The following CPA6 variants were observed in gnomAD, a reference collection of about 807,000 sequenced individuals.
CPA6 encodes carboxypeptidase A6.
A neutral mutation model predicts 63.3 loss-of-function variants in CPA6; 58 were observed. The observed-to-expected ratio is 0.92, with a 90% CI of 0.74 to 1.14. The LOEUF (loss-of-function observed/expected upper bound fraction) is 1.14. CPA6 is among the 50% of genes most tolerant of loss of function. CPA6 has a pLI of 0.00. For synonymous variants in CPA6, 185 were observed against 179.0 expected (o/e 1.03, Z -0.27); for missense variants, 565 against 526.6 (o/e 1.07, Z -0.71).
At chr8:67,572,104 T>C (rs1375708692) in intron 2 of CPA6, among the ~76,000 whole-genome samples, 2 of 152,140 alleles carry the variant, frequency 1.3e-5, no homozygotes, top group African/African-American at 2.4e-5. Context: ...CCTAAACATA[T>C]ACAACCTGCT....
intron 8 of CPA6, among the ~76,000 whole-genome samples, chr8:67,458,243 T>C (rs900074803): frequency 2.0e-5 from 3 of 152,144 alleles, no homozygotes; most frequent in Admixed American, 2.0e-4. Context: ...GTTGCCCAGG[T>C]TGGAGTGCAG....
intron 2 of CPA6, among the ~76,000 whole-genome samples, chr8:67,600,066 CTTTT>C (rs200678346): frequency 0.11 from 15,401 of 145,054 alleles, 1,266 homozygotes; most frequent in Admixed American, 0.26. Context: ...GGACACATTT[CTTTT>C]TTTTTTTAAT....
At chr8:67,739,857 A>G (rs1817880428) in intron 1 of CPA6, among the ~76,000 whole-genome samples, 1 of 152,218 alleles carries the variant, frequency 6.6e-6, no homozygotes, top group Non-Finnish European at 1.5e-5. Flanking sequence ...CAATATGAGA[A>G]AGGACTAGAG....
intron 8 of CPA6, among the ~76,000 whole-genome samples, chr8:67,443,283 C>G (rs1262138790): frequency 6.6e-6 from 1 of 152,168 alleles, no homozygotes; most frequent in East Asian, 1.9e-4. Flanking sequence ...TGGTCTCCAA[C>G]TCCTGACATC....
At chr8:67,542,503 T>G (rs950678870) in intron 2 of CPA6, among the ~76,000 whole-genome samples, 1 of 152,196 alleles carries the variant, frequency 6.6e-6, no homozygotes, top group Non-Finnish European at 1.5e-5. Context: ...CGATTCCTAA[T>G]TTGTCGTGAG....
intron 1 of CPA6, among the ~76,000 whole-genome samples, chr8:67,699,344 A>T (rs1308192299): frequency 6.6e-6 from 1 of 151,854 alleles, no homozygotes; most frequent in Non-Finnish European, 1.5e-5. Context: ...TGAACCCGGG[A>T]GGTGGAGGTT....
chr8:67,497,137 AT>A (rs1244802464), intron 6 of CPA6, among the ~76,000 whole-genome samples: 2 of 152,210 alleles, frequency 1.3e-5, no homozygotes, highest in Non-Finnish European at 2.9e-5. Context: ...AAAATTCACC[AT>A]TTTACAGTGT....
intron 6 of CPA6, among the ~76,000 whole-genome samples, chr8:67,503,393 T>C (rs1258072264): frequency 2.0e-5 from 3 of 151,930 alleles, no homozygotes; most frequent in Non-Finnish European, 4.4e-5. Context: ...ACCTCCTGAG[T>C]TCAACAGGTC....
chr8:67,729,784 T>A (rs1422119099), intron 1 of CPA6, among the ~76,000 whole-genome samples: 1 of 152,034 alleles, frequency 6.6e-6, no homozygotes, highest in African/African-American at 2.4e-5. Context: ...TATAGGTATA[T>A]AAAATATAGG....
chr8:67,595,552 G>A (rs553768105), intron 2 of CPA6, among the ~76,000 whole-genome samples: 29 of 152,344 alleles, frequency 1.9e-4, no homozygotes, highest in East Asian at 3.9e-4. Flanking sequence ...CGAGCTTCCC[G>A]GCTGCTTTGT....
intron 1 of CPA6, among the ~76,000 whole-genome samples, chr8:67,630,792 G>T (rs923728049): frequency 6.6e-6 from 1 of 152,210 alleles, no homozygotes; most frequent in African/African-American, 2.4e-5. Flanking sequence ...CCGGGTGGCC[G>T]CAGGCTCCGC....
chr8:67,521,362 T>G (rs2089045), intron 2 of CPA6, among the ~76,000 whole-genome samples: 91,228 of 152,222 alleles, frequency 0.6, 29,950 homozygotes, highest in African/African-American at 0.89. Context: ...CATTGGCTAT[T>G]TGACTTTGGG....
chr8:67,442,810 C>T (rs79691369), intron 8 of CPA6, among the ~76,000 whole-genome samples: 271 of 152,304 alleles, frequency 1.8e-3, no homozygotes, highest in East Asian at 7.9e-3. Flanking sequence ...TCACTGCATT[C>T]TCATCAAGCC....
intron 1 of CPA6, among the ~76,000 whole-genome samples, chr8:67,741,918 C>T (rs1264847879): frequency 1.3e-5 from 2 of 152,174 alleles, no homozygotes; most frequent in African/African-American, 4.8e-5. Flanking sequence ...TTCCACAAAA[C>T]CAGTCCCTGT....
At chr8:67,617,411 C>T (rs552068921) in intron 2 of CPA6, among the ~76,000 whole-genome samples, 1 of 152,254 alleles carries the variant, frequency 6.6e-6, no homozygotes, top group South Asian at 2.1e-4. Flanking sequence ...AGCTTTTTCT[C>T]TCTTTCAAAA....
chr8:67,544,955 G>A (rs1382496033), intron 2 of CPA6, among the ~76,000 whole-genome samples: 2 of 151,972 alleles, frequency 1.3e-5, no homozygotes, highest in African/African-American at 4.8e-5. Context: ...TCAAAGAGTA[G>A]GCCAAATTAT....
chr8:67,589,179 G>A (rs755906282), intron 2 of CPA6, among the ~76,000 whole-genome samples: 2 of 151,856 alleles, frequency 1.3e-5, no homozygotes, highest in Non-Finnish European at 2.9e-5. Flanking sequence ...AAACCTTCAG[G>A]TGGTAGCTAA....
At chr8:67,720,768 T>C (rs1005075430) in intron 1 of CPA6, among the ~76,000 whole-genome samples, 1 of 152,182 alleles carries the variant, frequency 6.6e-6, no homozygotes, top group Admixed American at 6.5e-5. Context: ...TTTAACTTCT[T>C]TGAATGAAGA....
At chr8:67,591,780 C>T (rs1052674686) in intron 2 of CPA6, among the ~76,000 whole-genome samples, 5 of 152,076 alleles carry the variant, frequency 3.3e-5, no homozygotes, top group Admixed American at 6.6e-5. Context: ...CTTAAGGAGA[C>T]TTTGGGCTGA....
Sources: allele counts gnomAD v4.1 joint callset (sites outside exome capture counted in the v4.1 genomes callset), GRCh38; gene constraint gnomAD v4.1.1; transcripts MANE v1.5; gene names NCBI Gene and HGNC (gene_info 2026-07-23, HGNC 2026-07-21).